SLC4A10: variants seen among roughly 807,000 people sequenced by gnomAD.
SLC4A10 encodes the protein sodium-driven chloride bicarbonate exchanger.
A neutral mutation model predicts 137.7 loss-of-function variants in SLC4A10; 42 were observed. The observed-to-expected ratio is 0.30, with a 90% CI of 0.24 to 0.39. The LOEUF (loss-of-function observed/expected upper bound fraction) is 0.39. Among genes scored for constraint, SLC4A10 ranks in the 10% least tolerant of loss-of-function variants. The probability of loss-of-function intolerance (pLI) is 1.00; values close to 1 mark genes in which losing one functional copy is unlikely to be tolerated. For missense variants in SLC4A10, 925 were observed against 1,355.0 expected, an observed-to-expected ratio of 0.68 and a Z score of 4.98; for synonymous variants, 474 against 464.1, an observed-to-expected ratio of 1.02 and a Z score of -0.27.
At chr2:161,944,480 G>A (rs1693348085) in intron 16 of SLC4A10, among the ~76,000 whole-genome samples, 1 of 151,806 alleles carries the variant, frequency 6.6e-6, no homozygotes, top group Non-Finnish European at 1.5e-5. Context: ...CAGACATACA[G>A]CACAGTTATC....
chr2:161,791,550 G>T (rs1030696539), intron 2 of SLC4A10, among the ~76,000 whole-genome samples: 1 of 152,122 alleles, frequency 6.6e-6, no homozygotes, highest in Admixed American at 6.5e-5. Flanking sequence ...GGGTTGATCT[G>T]TGCAGCAAAC....
intron 5 of SLC4A10, among the ~76,000 whole-genome samples, chr2:161,857,289 C>T (rs187451189): frequency 2.2e-4 from 34 of 152,244 alleles, no homozygotes; most frequent in African/African-American, 7.9e-4. Flanking sequence ...GTTCAGTTGA[C>T]GTCTTGATAC....
At chr2:161,658,591 G>C (rs1338586665) in intron 1 of SLC4A10, among the ~76,000 whole-genome samples, 2 of 113,692 alleles carry the variant, frequency 1.8e-5, no homozygotes, top group Non-Finnish European at 3.5e-5. Flanking sequence ...TAAGAAAATA[G>C]TTTCCTTTTT....
At chr2:161,972,974 G>A (rs927119195) in intron 23 of SLC4A10, among the ~76,000 whole-genome samples, 4 of 152,202 alleles carry the variant, frequency 2.6e-5, no homozygotes, top group African/African-American at 7.2e-5. Flanking sequence ...CAGACTATGG[G>A]ATATCTGAGA....
intron 1 of SLC4A10, among the ~76,000 whole-genome samples, chr2:161,750,134 T>C (rs578259281): frequency 2.2e-4 from 33 of 151,926 alleles, no homozygotes; most frequent in African/African-American, 7.2e-4. Context: ...TTGAGTCTTC[T>C]CTCTTTTTTT....
chr2:161,964,354 G>C (rs1400754980), intron 22 of SLC4A10, 46 bp downstream of exon 22: 3 of 1,584,054 alleles, frequency 1.9e-6, no homozygotes, highest in Non-Finnish European at 2.6e-6. Flanking sequence ...TGATTTGCTG[G>C]TCTCTTTGGA....
intron 1 of SLC4A10, among the ~76,000 whole-genome samples, chr2:161,678,720 T>C (rs2040527023): frequency 6.6e-6 from 1 of 152,148 alleles, no homozygotes; most frequent in African/African-American, 2.4e-5. Flanking sequence ...AAATAATATA[T>C]ATGAACTCTA....
chr2:161,736,980 C>A (rs1202585050), intron 1 of SLC4A10, among the ~76,000 whole-genome samples: 1 of 151,978 alleles, frequency 6.6e-6, no homozygotes, highest in Non-Finnish European at 1.5e-5. Context: ...CTCACCTCAG[C>A]CTCCAGAGTA....
chr2:161,716,980 G>A (rs1463770666), intron 1 of SLC4A10, among the ~76,000 whole-genome samples: 1 of 152,174 alleles, frequency 6.6e-6, no homozygotes. Context: ...TCCTTGAGCA[G>A]TGGTTTGTAG....
chr2:161,661,838 A>T lies in SLC4A10; in HGVS notation c.48+37272A>T, dbSNP rs116760967. 1.8e-3 allele frequency among the ~76,000 whole-genome samples: 275 copies of T among 152,256 alleles called. 1 individual carries two copies. The highest frequency in any genetic ancestry group is 2.9e-3 in the Non-Finnish European group (195 of 68,002). ...TGAAACTTAAGATTTCAGCAAAAAAAATATATATTTTACTATCAATGAATA... is the reference window on the plus strand; with the variant it reads ...TGAAACTTAAGATTTCAGCAAAAAATATATATATTTTACTATCAATGAATA... On this transcript the variant is annotated intron_variant, in intron 1 of 26. Transcript: ENST00000446997.
intron 6 of SLC4A10, among the ~76,000 whole-genome samples, chr2:161,866,870 T>G (rs1197825540): frequency 6.6e-6 from 1 of 151,862 alleles, no homozygotes; most frequent in Non-Finnish European, 1.5e-5. Flanking sequence ...AATTTTTATA[T>G]TTTTGAAGAT....
In SLC4A10 at chr2:161,670,888, G is replaced by A. The variant is rs184238991; in HGVS notation, c.48+46322G>A. ...CAGACCACACTAAGTATAAGATATC[G>A]CTTCCTTCTCTAAGAGACTATTGTG... On this transcript the variant is annotated intron_variant, in intron 1 of 26. Transcript: ENST00000446997. Among the ~76,000 whole-genome samples, 107 of 152,100 alleles carry A rather than the reference G, an allele frequency of 7.0e-4. 1 individual carries two copies. The highest frequency in any genetic ancestry group is 2.3e-3 in the African/African-American group (97 of 41,502).
intron 1 of SLC4A10, among the ~76,000 whole-genome samples, chr2:161,637,432 C>CT (rs575761227): frequency 6.6e-6 from 1 of 152,034 alleles, no homozygotes; most frequent in South Asian, 2.1e-4. Flanking sequence ...AACTCCTGAC[C>CT]TCAGGTGATC....
chr2:161,947,969 G>A (rs1694127355), intron 17 of SLC4A10, among the ~76,000 whole-genome samples: 1 of 152,046 alleles, frequency 6.6e-6, no homozygotes. Context: ...GACGTTTTTG[G>A]AAATTCACAG....
chr2:161,668,335 G>C (rs900471143), intron 1 of SLC4A10, among the ~76,000 whole-genome samples: 11 of 151,774 alleles, frequency 7.2e-5, no homozygotes, highest in Non-Finnish European at 1.3e-4. Flanking sequence ...TAGAGGATAT[G>C]ATAGCTGTTT....
intron 10 of SLC4A10, among the ~76,000 whole-genome samples, chr2:161,883,317 G>T (rs1364830609): frequency 1.3e-5 from 2 of 152,076 alleles, no homozygotes; most frequent in East Asian, 3.9e-4. Context: ...TGTAAAAAGA[G>T]CCAATTAGTA....
At chr2:161,924,761 T>C (rs1688758365) in intron 15 of SLC4A10, among the ~76,000 whole-genome samples, 2 of 152,174 alleles carry the variant, frequency 1.3e-5, no homozygotes, top group Non-Finnish European at 2.9e-5. Flanking sequence ...AAGTCACGGT[T>C]AAAATGTAAG....
chr2:161,917,768 A>G (rs148920585), intron 15 of SLC4A10, among the ~76,000 whole-genome samples: 4 of 152,308 alleles, frequency 2.6e-5, no homozygotes, highest in African/African-American at 9.6e-5. Flanking sequence ...TCTCCTCTCT[A>G]GAGTGAAGGG....
intron 4 of SLC4A10, among the ~76,000 whole-genome samples, chr2:161,846,552 C>A (rs539317106): frequency 2.0e-5 from 3 of 152,248 alleles, no homozygotes; most frequent in African/African-American, 7.2e-5. Context: ...TTTGTAATGG[C>A]AAAACCTGCA....
Sources: allele counts gnomAD v4.1 joint callset (sites outside exome capture counted in the v4.1 genomes callset), GRCh38; gene constraint gnomAD v4.1.1; transcripts MANE v1.5; gene names NCBI Gene and HGNC (gene_info 2026-07-23, HGNC 2026-07-21).